ITCH: variants seen among roughly 807,000 people sequenced by gnomAD.
ITCH encodes the protein E3 ubiquitin-protein ligase Itchy homolog.
A neutral mutation model predicts 126.8 loss-of-function variants in ITCH; 28 were observed. The observed-to-expected ratio is 0.22, with a 90% CI of 0.16 to 0.30. The LOEUF (loss-of-function observed/expected upper bound fraction) is 0.30. Among genes scored for constraint, ITCH ranks in the 10% least tolerant of loss-of-function variants. ITCH has a pLI of 1.00. For missense variants in ITCH, 631 were observed against 1,032.4 expected (o/e 0.61, Z 5.33); for synonymous variants, 342 against 340.0 (o/e 1.01, Z -0.06).
At chr20:34,505,789 C>T (rs1026085915) in intron 24 of ITCH, among the ~76,000 whole-genome samples, 14 of 151,930 alleles carry the variant, frequency 9.2e-5, no homozygotes, top group African/African-American at 2.4e-4. Context: ...CTCCTGACCT[C>T]GTGATCCACC....
At chr20:34,461,703 C>A in intron 13 of ITCH, among the ~76,000 whole-genome samples, 3 of 97,804 alleles carry the variant, frequency 3.1e-5, no homozygotes, top group East Asian at 5.7e-4. Context: ...AGTGAGACTC[C>A]ATCTATAAAA....
rs1402944750 is a variant in ITCH, at chr20:34,511,583, C to G, written c.*3789C>G. ...CAAATCAAGGGTTGGACTGCTTATT[C>G]TCGCAGCCCAATAATGAGGTGCAGA... On this transcript the variant is annotated 3_prime_UTR_variant, in exon 25 of 25. Transcript: ENST00000374864. 3.3e-5 allele frequency among the ~76,000 whole-genome samples: 5 copies of G among 152,152 alleles called. No homozygotes were observed. Among genetic ancestry groups the G allele is most frequent in the Admixed American group, 2.0e-4 (3 of 15,266 alleles).
At chr20:34,371,285 T>C (rs914589964) in intron 2 of ITCH, among the ~76,000 whole-genome samples, 18 of 146,126 alleles carry the variant, frequency 1.2e-4, no homozygotes, top group East Asian at 7.9e-4. Flanking sequence ...TCTTCTTTTT[T>C]TTTTTTTTTT....
rs146367108 is a variant in ITCH at position 34,478,254 on chromosome 20, C to T, written c.1658+394C>T. ...TATCTGTTCCACAGAAAACACAAGGCCTTATAGTGATCAGGTCATTTTCCC... is the reference window on the plus strand; with the variant it reads ...TATCTGTTCCACAGAAAACACAAGGTCTTATAGTGATCAGGTCATTTTCCC... On this transcript the variant is annotated intron_variant, in intron 17 of 24. Coordinates refer to ENST00000374864, the MANE Select transcript of ITCH (RefSeq NM_031483.7). 1.7e-4 allele frequency among the ~76,000 whole-genome samples: 26 copies of T among 152,256 alleles called. No homozygotes were observed. In the East Asian group the frequency reaches 4.8e-3, roughly 28 times the overall value.
chr20:34,376,950 C>A (rs562696924), intron 2 of ITCH, among the ~76,000 whole-genome samples: 1 of 152,172 alleles, frequency 6.6e-6, no homozygotes, highest in African/African-American at 2.4e-5. Context: ...TGGGAAGATA[C>A]TGTGTACAGG....
At chr20:34,459,932 A>G (rs1986355690) in intron 13 of ITCH, among the ~76,000 whole-genome samples, 1 of 152,182 alleles carries the variant, frequency 6.6e-6, no homozygotes, top group Non-Finnish European at 1.5e-5. Context: ...CTAAGAATAG[A>G]ATTGAAGAAG....
At chr20:34,452,942 C>T (rs1048783739) in intron 12 of ITCH, among the ~76,000 whole-genome samples, 3 of 152,162 alleles carry the variant, frequency 2.0e-5, no homozygotes, top group African/African-American at 4.8e-5. Context: ...ATAGGTGCTT[C>T]GCCAATCAAG....
intron 20 of ITCH, among the ~76,000 whole-genome samples, chr20:34,484,658 GC>G (rs1286377050): frequency 2.6e-5 from 4 of 152,114 alleles, no homozygotes; most frequent in Admixed American, 2.0e-4. Context: ...TTCAATAATG[GC>G]TTGCTTAAAA....
intron 13 of ITCH, among the ~76,000 whole-genome samples, chr20:34,459,061 C>T (rs563222124): frequency 6.6e-6 from 1 of 152,230 alleles, no homozygotes; most frequent in East Asian, 1.9e-4. Context: ...CAGACATCAG[C>T]GACAATATTG....
chr20:34,392,415 C>T (rs927452883), intron 2 of ITCH, among the ~76,000 whole-genome samples: 2 of 152,038 alleles, frequency 1.3e-5, no homozygotes, highest in Admixed American at 6.6e-5. Flanking sequence ...ATGGTTGAGA[C>T]GAAATTTTAG....
intron 20 of ITCH, among the ~76,000 whole-genome samples, chr20:34,483,212 A>G (rs187749091): frequency 6.3e-4 from 96 of 152,172 alleles, no homozygotes; most frequent in African/African-American, 2.0e-3. Context: ...CATTTTCCAC[A>G]TTGTCTTGGG....
At chr20:34,476,475 C>A in intron 16 of ITCH, 1 of 1,213,646 alleles carries the variant, frequency 8.2e-7, no homozygotes, top group Non-Finnish European at 1.0e-6. Flanking sequence ...CGGCAGCCAT[C>A]GCCCGCGGTC....
At chr20:34,449,523 T>C in intron 12 of ITCH, 43 bp downstream of exon 12, 1 of 1,277,948 alleles carries the variant, frequency 7.8e-7, no homozygotes, top group Non-Finnish European at 1.1e-6. Flanking sequence ...TCATTTCATT[T>C]TTGTTCTCTT....
intron 4 of ITCH, among the ~76,000 whole-genome samples, chr20:34,410,057 A>AG (rs910508239): frequency 6.7e-6 from 1 of 148,170 alleles, no homozygotes; most frequent in African/African-American, 2.5e-5. Context: ...AAGACAAACA[A>AG]AAAAAAAAAA....
intron 23 of ITCH, among the ~76,000 whole-genome samples, chr20:34,495,244 G>A (rs1989783431): frequency 1.3e-5 from 2 of 148,866 alleles, no homozygotes; most frequent in African/African-American, 2.5e-5. Flanking sequence ...CAGCCTGGGC[G>A]ACAAGAACAA....
intron 16 of ITCH, among the ~76,000 whole-genome samples, chr20:34,473,792 T>C (rs1987866150): frequency 1.3e-5 from 2 of 152,254 alleles, no homozygotes; most frequent in Admixed American, 6.5e-5. Flanking sequence ...AGCAGTTTAC[T>C]GAGCAATTAA....
At chr20:34,489,681 G>C (rs1989378500) in intron 21 of ITCH, 141 bp from the exon 22 acceptor site, 1 of 726,408 alleles carries the variant, frequency 1.4e-6, no homozygotes, top group South Asian at 1.5e-5. Flanking sequence ...GAGCAATGTA[G>C]ATATAATTCT....
intron 16 of ITCH, chr20:34,476,239 A>G (rs929520155): frequency 2.7e-5 from 22 of 807,504 alleles, no homozygotes; most frequent in Non-Finnish European, 1.4e-5. Flanking sequence ...TTTGGTTGTT[A>G]ATGTTTCACC....
chr20:34,475,094 T>G (rs73610853), intron 16 of ITCH, among the ~76,000 whole-genome samples: 1 of 147,480 alleles, frequency 6.8e-6, no homozygotes, highest in Admixed American at 6.7e-5. Flanking sequence ...TTCCTAGATG[T>G]GATGGCGGCC....
Sources: allele counts gnomAD v4.1 joint callset (sites outside exome capture counted in the v4.1 genomes callset), GRCh38; gene constraint gnomAD v4.1.1; transcripts MANE v1.5; gene names NCBI Gene and HGNC (gene_info 2026-07-23, HGNC 2026-07-21).